The following SLC30A6 variants were observed in gnomAD, a reference collection of about 807,000 sequenced individuals.
The protein encoded by SLC30A6 is zinc transporter 6.
In SLC30A6, 55 loss-of-function variants were observed where a neutral mutation model predicts 63.0. The observed-to-expected ratio is 0.87, with a 90% CI of 0.70 to 1.09. SLC30A6 has a LOEUF of 1.09. Ranked by LOEUF, SLC30A6 falls within the 50% of genes least tolerant of loss-of-function variation. The pLI, the probability that SLC30A6 is intolerant of heterozygous loss-of-function variation, is 0.00. For synonymous variants in SLC30A6, 224 were observed against 186.1 expected (o/e 1.20, Z -1.66); for missense variants, 587 against 549.2 (o/e 1.07, Z -0.69).
intron 7 of SLC30A6, 102 bp downstream of exon 7, chr2:32,193,055 A>C (rs1267530367): frequency 2.4e-5 from 18 of 743,208 alleles, no homozygotes; most frequent in Non-Finnish European, 3.8e-5. Context: ...CTGTGGCAAC[A>C]TAACGTTTTT....
intron 10 of SLC30A6, chr2:32,202,032 AAAGC>A: frequency 1.8e-6 from 2 of 1,103,138 alleles, no homozygotes; most frequent in Non-Finnish European, 2.6e-6. Flanking sequence ...TGAAAAAAAA[AAAGC>A]AAGTATCATC....
rs1686230863 is a variant in SLC30A6 at position 32,223,144 on chromosome 2, G to C, written c.*2431G>C. The C allele has an allele frequency of 6.6e-6, 1 of 152,216 alleles. No individual in the cohort carries two copies. The highest frequency in any genetic ancestry group is 2.1e-4 in the South Asian group (1 of 4,834). The allele number at this position is 152,216 out of a possible 1,614,324, so 9.4% of individuals were successfully genotyped here. A position where few individuals can be genotyped will look rare whatever the true frequency, so the allele number is the denominator to read the frequency against. ...ATTATTATATAGAGAAGTCTTATTT[G>C]CCAAGCTCTGACTAACTTCTGGATA... On this transcript the variant is annotated 3_prime_UTR_variant, in exon 14 of 14. Transcript: ENST00000282587.
chr2:32,204,589 G>C lies in SLC30A6; in HGVS notation c.666-1G>C. 1.2e-6 allele frequency: 2 copies of C among 1,603,676 alleles called. No homozygotes were observed. Among genetic ancestry groups the C allele is most frequent in the Non-Finnish European group, 1.7e-6 (2 of 1,172,564 alleles). ...AATTTAGAATTGTTTTTTCCTTTTA[G>C]TAATTATTTTGCCGTAGACACTGCC... is the stretch of plus-strand genomic sequence containing the variant. On this transcript the variant is annotated splice_acceptor_variant, in intron 10 of 13. Transcript: ENST00000282587. LOFTEE classifies it high-confidence loss of function.
In SLC30A6 at chr2:32,181,936, T is replaced by C. The variant is rs533528158; in HGVS notation, c.219-2337T>C. On this transcript the variant is annotated intron_variant, in intron 4 of 13. Transcript: ENST00000282587. ...TTGTATATTTCGTTTTTCTTTTCTTTTTTTTTTTTTTTTTTTGAGACAGGG... is the reference window on the plus strand; with the variant it reads ...TTGTATATTTCGTTTTTCTTTTCTTCTTTTTTTTTTTTTTTTGAGACAGGG... Among the ~76,000 whole-genome samples the C allele has an allele frequency of 1.2e-4, 17 of 146,406 alleles. 1 individual carries two copies. Among genetic ancestry groups the C allele is most frequent in the Middle Eastern group, 3.6e-3 (1 of 280 alleles).
intron 10 of SLC30A6, chr2:32,201,612 C>G (rs975070506): frequency 2.7e-5 from 41 of 1,505,956 alleles, no homozygotes; most frequent in Non-Finnish European, 3.4e-5. Flanking sequence ...GCCTGGGAAA[C>G]TCCTCTGGGG....
Position 32,178,858 on chromosome 2 carries a change from C to G in SLC30A6, c.218+3497C>G, listed in dbSNP as rs565818212. ...AAAGTGTGGATATTCCAGCTTTGTT[C>G]TTTTTCAAGATTGTTTTGGCTAAAC... On this transcript the variant is annotated intron_variant, in intron 4 of 13. Coordinates refer to ENST00000282587, the MANE Select transcript of SLC30A6 (RefSeq NM_017964.5). Among the ~76,000 whole-genome samples the G allele has an allele frequency of 3.0e-4, 46 of 152,168 alleles. 1 individual carries two copies. In the South Asian group the frequency reaches 8.7e-3, roughly 29 times the overall value.
chr2:32,205,092 C>T (rs541373978), intron 11 of SLC30A6, among the ~76,000 whole-genome samples: 18 of 152,154 alleles, frequency 1.2e-4, no homozygotes, highest in East Asian at 1.9e-4. Context: ...GGACTATACG[C>T]GAGAGCCATC....
intron 4 of SLC30A6, among the ~76,000 whole-genome samples, chr2:32,178,990 A>G (rs1396246652): frequency 1.3e-5 from 2 of 152,132 alleles, no homozygotes; most frequent in African/African-American, 4.8e-5. Context: ...CTCCTGAGTG[A>G]GTGGTACCAC....
chr2:32,193,423 G>A (rs1001498305), intron 7 of SLC30A6, among the ~76,000 whole-genome samples: 6 of 151,736 alleles, frequency 4.0e-5, no homozygotes, highest in African/African-American at 1.2e-4. Context: ...AAAAAGAAAC[G>A]TATATATGTT....
At position 32,171,276 on chromosome 2, in the gene SLC30A6, T is replaced by G; in HGVS notation, c.4-11T>G. The G allele has an allele frequency of 1.2e-6, 2 of 1,610,564 alleles. No individual in the cohort carries two copies. The highest frequency in any genetic ancestry group is 1.7e-6 in the Non-Finnish European group (2 of 1,177,064). On this transcript the variant is annotated splice_polypyrimidine_tract_variant and intron_variant, in intron 1 of 13. Transcript: ENST00000282587. ...TATCTAAATGCTGATTTGTATATGT[T>G]TGTTTGAAAGGGGACAATTCATCTC...
chr2:32,168,121 A>T (rs1680846963), intron 1 of SLC30A6, among the ~76,000 whole-genome samples: 1 of 152,192 alleles, frequency 6.6e-6, no homozygotes, highest in Admixed American at 6.5e-5. Flanking sequence ...GGGAAACAGT[A>T]TTTAAGGTTT....
intron 5 of SLC30A6, among the ~76,000 whole-genome samples, chr2:32,191,304 C>A (rs897765767): frequency 2.0e-5 from 3 of 152,080 alleles, no homozygotes; most frequent in Non-Finnish European, 4.4e-5. Context: ...TCACCTTTTT[C>A]CATGTCAATA....
intron 4 of SLC30A6, among the ~76,000 whole-genome samples, chr2:32,180,625 G>T (rs1200208066): frequency 6.6e-6 from 1 of 151,922 alleles, no homozygotes. Context: ...TGGAGATGGG[G>T]TTTCACCATG....
At chr2:32,201,671 G>A in intron 10 of SLC30A6, 1 of 1,501,428 alleles carries the variant, frequency 6.7e-7, no homozygotes, top group Non-Finnish European at 9.1e-7. Flanking sequence ...AGAGCCAGAA[G>A]AAGGAGAGGC....
At chr2:32,166,937 T>C (rs899128071) in intron 1 of SLC30A6, among the ~76,000 whole-genome samples, 4 of 152,214 alleles carry the variant, frequency 2.6e-5, no homozygotes, top group African/African-American at 4.8e-5. Flanking sequence ...GCCAGAGTTA[T>C]ATTTCTAAAA....
At chr2:32,205,436 A>G (rs764978335) in intron 11 of SLC30A6, among the ~76,000 whole-genome samples, 6 of 151,384 alleles carry the variant, frequency 4.0e-5, no homozygotes, top group East Asian at 1.9e-4. Flanking sequence ...ACAAAACAAC[A>G]TTTTTTTTAA....
chr2:32,176,822 G>A (rs1053164558), intron 4 of SLC30A6, among the ~76,000 whole-genome samples: 6 of 151,074 alleles, frequency 4.0e-5, no homozygotes, highest in Non-Finnish European at 8.9e-5. Flanking sequence ...ACCCAGGCTG[G>A]AGAGCAGTGG....
chr2:32,216,731 T>C (rs1685744578), intron 13 of SLC30A6, among the ~76,000 whole-genome samples: 2 of 152,004 alleles, frequency 1.3e-5, no homozygotes, highest in Non-Finnish European at 2.9e-5. Flanking sequence ...TATCTTCATG[T>C]TTTTTTCCCA....
At chr2:32,171,510 T>A in intron 2 of SLC30A6, 137 bp downstream of exon 2, 1 of 603,226 alleles carries the variant, frequency 1.7e-6, no homozygotes, top group Non-Finnish European at 2.8e-6. Context: ...TGGAAAAGTA[T>A]TTTTTTAGTG....
Sources: gnomAD v4.1 joint callset for allele counts (sites outside exome capture counted in the v4.1 genomes callset) on GRCh38, gnomAD v4.1.1 for gene constraint, MANE v1.5 for transcripts, NCBI Gene and HGNC (gene_info 2026-07-23, HGNC 2026-07-21) for gene names.